Variants in PTPRK observed in about 807,000 individuals in gnomAD.
The protein encoded by PTPRK is protein tyrosine phosphatase receptor type K.
In PTPRK, 75 loss-of-function variants were observed where a neutral mutation model predicts 178.0. That is an observed-to-expected ratio of 0.42 (90% CI 0.35 to 0.51). PTPRK has a LOEUF of 0.51. Ranked by LOEUF, PTPRK falls within the 20% of genes least tolerant of loss-of-function variation. The pLI, the probability that PTPRK is intolerant of heterozygous loss-of-function variation, is 0.02. For synonymous variants in PTPRK, 637 were observed against 620.6 expected (o/e 1.03, Z -0.39); for missense variants, 1,441 against 1,797.8 (o/e 0.80, Z 3.59).
At chr6:128,379,891 G>A (rs1584443355) in intron 2 of PTPRK, among the ~76,000 whole-genome samples, 5 of 152,052 alleles carry the variant, frequency 3.3e-5, no homozygotes, top group South Asian at 2.1e-4. Flanking sequence ...ATATTTTGTT[G>A]TTTAATAATA....
intron 1 of PTPRK, among the ~76,000 whole-genome samples, chr6:128,495,530 C>T (rs1854528788): frequency 6.6e-6 from 1 of 152,056 alleles, no homozygotes; most frequent in African/African-American, 2.4e-5. Context: ...CCTTCCCTCT[C>T]TCTAAGTCCC....
chr6:128,271,990 G>A (rs949658296), intron 3 of PTPRK, among the ~76,000 whole-genome samples: 2 of 151,832 alleles, frequency 1.3e-5, no homozygotes, highest in Non-Finnish European at 2.9e-5. Context: ...CTATAATGAA[G>A]TTCTGCATGA....
At chr6:128,130,379 A>T (rs1794036907) in intron 7 of PTPRK, among the ~76,000 whole-genome samples, 1 of 152,200 alleles carries the variant, frequency 6.6e-6, no homozygotes, top group South Asian at 2.1e-4. Flanking sequence ...CATATATGAA[A>T]GCCCTAAAAA....
chr6:128,141,953 A>AT (rs1231177632), intron 7 of PTPRK, among the ~76,000 whole-genome samples: 1 of 151,956 alleles, frequency 6.6e-6, no homozygotes, highest in Non-Finnish European at 1.5e-5. Flanking sequence ...CTAAATTAAG[A>AT]TAAATCTTTC....
intron 2 of PTPRK, among the ~76,000 whole-genome samples, chr6:128,326,621 T>C (rs1321869229): frequency 2.6e-5 from 4 of 152,132 alleles, no homozygotes; most frequent in Admixed American, 6.5e-5. Flanking sequence ...TTATGAAAAA[T>C]ACATATTTGT....
intron 8 of PTPRK, among the ~76,000 whole-genome samples, chr6:128,088,971 T>C (rs570010369): frequency 6.6e-5 from 10 of 152,314 alleles, no homozygotes; most frequent in Middle Eastern, 3.4e-3. Flanking sequence ...GTTGTTTCCT[T>C]TTTTCCTTGA....
At chr6:128,122,734 T>G (rs538428123) in intron 7 of PTPRK, among the ~76,000 whole-genome samples, 1 of 152,304 alleles carries the variant, frequency 6.6e-6, no homozygotes, top group Admixed American at 6.5e-5. Context: ...GTATGAAAAT[T>G]AAAAGAGAAT....
At chr6:127,997,935 TCA>T (rs1194137079) in intron 16 of PTPRK, among the ~76,000 whole-genome samples, 2 of 152,250 alleles carry the variant, frequency 1.3e-5, no homozygotes, top group Admixed American at 6.5e-5. Context: ...TTGGATTCTT[TCA>T]CTTTAAATGT....
chr6:128,242,694 C>A, intron 3 of PTPRK, 92 bp from the exon 4 acceptor site: 1 of 1,478,292 alleles, frequency 6.8e-7, no homozygotes, highest in South Asian at 1.4e-5. Context: ...AAAAGTAAAT[C>A]TAATTTTTGT....
chr6:128,252,768 C>T (rs1816672742), intron 3 of PTPRK, among the ~76,000 whole-genome samples: 1 of 152,176 alleles, frequency 6.6e-6, no homozygotes, highest in African/African-American at 2.4e-5. Context: ...GGTCCCAGTT[C>T]CGACCTCATG....
chr6:128,027,868 A>C (rs970323735), intron 13 of PTPRK: 11 of 152,360 alleles, frequency 7.2e-5, no homozygotes, highest in African/African-American at 2.7e-4. Context: ...CTGGGATTAC[A>C]GGCATAAGCC....
At chr6:128,358,576 G>A (rs1205364331) in intron 2 of PTPRK, among the ~76,000 whole-genome samples, 1 of 152,164 alleles carries the variant, frequency 6.6e-6, no homozygotes, top group Admixed American at 6.5e-5. Flanking sequence ...CAAATACTGG[G>A]AGGTTTTGTC....
At chr6:128,461,813 T>A (rs1258043466) in intron 1 of PTPRK, among the ~76,000 whole-genome samples, 2 of 152,118 alleles carry the variant, frequency 1.3e-5, no homozygotes, top group Non-Finnish European at 2.9e-5. Flanking sequence ...GATTTACCTG[T>A]TCTACACATT....
intron 24 of PTPRK, 83 bp downstream of exon 24, chr6:127,982,748 T>G: frequency 1.5e-6 from 2 of 1,297,988 alleles, no homozygotes; most frequent in South Asian, 1.5e-5. Flanking sequence ...AAATTTGACT[T>G]GAAAGACCTT....
chr6:128,016,669 T>A (rs1779628294), intron 13 of PTPRK, among the ~76,000 whole-genome samples: 2 of 151,958 alleles, frequency 1.3e-5, no homozygotes, highest in African/African-American at 4.8e-5. Context: ...ATCAATCTTT[T>A]TTTTTATGGT....
intron 5 of PTPRK, among the ~76,000 whole-genome samples, chr6:128,231,871 C>T (rs927825582): frequency 6.6e-6 from 1 of 152,186 alleles, no homozygotes; most frequent in African/African-American, 2.4e-5. Context: ...TTCACTCTCA[C>T]ATCTTCTCAA....
At chr6:128,465,359 G>A (rs1260574411) in intron 1 of PTPRK, among the ~76,000 whole-genome samples, 2 of 151,528 alleles carry the variant, frequency 1.3e-5, no homozygotes, top group East Asian at 3.9e-4. Context: ...AATTCCTTTT[G>A]TTACTACTAT....
chr6:128,352,253 CAAA>C (rs10665459), intron 2 of PTPRK, among the ~76,000 whole-genome samples: 2 of 94,984 alleles, frequency 2.1e-5, no homozygotes, highest in Admixed American at 1.2e-4. Flanking sequence ...GACTTCATCT[CAAA>C]AAAAAAAAAA....
chr6:128,406,084 C>A lies in PTPRK; in HGVS notation c.101-8396G>T, dbSNP rs938286542. Among the ~76,000 whole-genome samples, 4 of 151,440 alleles carry A rather than the reference C, an allele frequency of 2.6e-5. No homozygotes were observed. In the South Asian group the frequency reaches 8.4e-4, roughly 32 times the overall value. ...CTACCCTGGGCAACATAGGGAGAAC[C>A]CACCTCTACAAAAAATAAATAAAAA... On this transcript the variant is annotated intron_variant, in intron 1 of 29. Coordinates refer to ENST00000368226, the MANE Select transcript of PTPRK (RefSeq NM_002844.4).
Sources: allele counts gnomAD v4.1 joint callset (sites outside exome capture counted in the v4.1 genomes callset), GRCh38; gene constraint gnomAD v4.1.1; transcripts MANE v1.5; gene names NCBI Gene and HGNC (gene_info 2026-07-23, HGNC 2026-07-21).